The following PRKCA variants were observed in gnomAD, a reference collection of about 807,000 sequenced individuals.
The protein encoded by PRKCA is protein kinase C alpha type.
Under a neutral mutation model 87.0 loss-of-function variants are expected in PRKCA, and 27 were observed. The observed-to-expected ratio is 0.31, with a 90% confidence interval of 0.23 to 0.43. The LOEUF is 0.43. Among genes scored for constraint, PRKCA ranks in the 20% least tolerant of loss-of-function variants. The pLI is 1.00. For missense variants in PRKCA, 518 were observed against 852.3 expected (o/e 0.61, Z 4.88); for synonymous variants, 329 against 311.1 (o/e 1.06, Z -0.61).
At chr17:66,643,318 C>T (rs1375807478) in intron 4 of PRKCA, among the ~76,000 whole-genome samples, 10 of 152,090 alleles carry the variant, frequency 6.6e-5, no homozygotes, top group African/African-American at 2.4e-4. Flanking sequence ...ACTCAGTTTT[C>T]TGCATGAATG....
rs762692185 is a variant in PRKCA at position 66,688,283 on chromosome 17, A to ATG, written c.687-9_687-8dup. On this transcript the variant is annotated intron_variant, in intron 6 of 16. Transcript: ENST00000413366. ...ATGATCAAGATAACCTAGTGTTTGCATGTGTGTGTGTCTTGTAGCAAATTG... is the reference window on the plus strand; with the variant it reads ...ATGATCAAGATAACCTAGTGTTTGCATGTGTGTGTGTGTCTTGTAGCAAATTG... 1.2e-6 allele frequency: 2 copies of ATG among 1,613,130 alleles called. No homozygotes were observed. Among genetic ancestry groups the ATG allele is most frequent in the Non-Finnish European group, 1.7e-6 (2 of 1,179,606 alleles).
chr17:66,675,882 A>G (rs1972315086), intron 5 of PRKCA, among the ~76,000 whole-genome samples: 1 of 152,084 alleles, frequency 6.6e-6, no homozygotes, highest in Non-Finnish European at 1.5e-5. Flanking sequence ...AGTACCTGTA[A>G]CGTGTCCCAC....
At chr17:66,496,655 G>T (rs967963566) in intron 3 of PRKCA, among the ~76,000 whole-genome samples, 2 of 78,010 alleles carry the variant, frequency 2.6e-5, no homozygotes, top group African/African-American at 9.9e-5. Context: ...CACCCCTCCC[G>T]TCCTCTTCGA....
rs185594675 is a variant in PRKCA, at chr17:66,329,847, G to T, written c.205+23720G>T. Among the ~76,000 whole-genome samples the T allele has an allele frequency of 2.6e-5, 4 of 152,290 alleles. No individual in the cohort carries two copies. The East Asian group carries it at 5.8e-4, about 22-fold the overall frequency. On this transcript the variant is annotated intron_variant, in intron 2 of 16. Transcript: ENST00000413366. ...ACACACCCCGTCATTTATCTGGATA[G>T]TTCTATTTTTCCATACATTGTCTTT...
chr17:66,305,306 A>T (rs1374464330), intron 1 of PRKCA, among the ~76,000 whole-genome samples: 1 of 152,242 alleles, frequency 6.6e-6, no homozygotes, highest in East Asian at 1.9e-4. Flanking sequence ...TAATTTTAAA[A>T]GTATGTGAAA....
intron 13 of PRKCA, among the ~76,000 whole-genome samples, chr17:66,767,148 C>T (rs889339519): frequency 4.6e-5 from 7 of 152,088 alleles, no homozygotes; most frequent in Non-Finnish European, 7.4e-5. Context: ...ACTTAGAGAA[C>T]CTATTTTCTC....
At chr17:66,656,970 C>A (rs1432310448) in intron 5 of PRKCA, among the ~76,000 whole-genome samples, 1 of 152,112 alleles carries the variant, frequency 6.6e-6, no homozygotes, top group Non-Finnish European at 1.5e-5. Context: ...AAGGAATCTC[C>A]CATTAACATG....
chr17:66,382,948 CT>C (rs1275500480), intron 2 of PRKCA, among the ~76,000 whole-genome samples: 2 of 125,988 alleles, frequency 1.6e-5, no homozygotes, highest in African/African-American at 3.2e-5. Flanking sequence ...AATCCCACCC[CT>C]AATTGCGTTA....
At chr17:66,786,295 C>A (rs1186371787) in intron 14 of PRKCA, among the ~76,000 whole-genome samples, 1 of 152,158 alleles carries the variant, frequency 6.6e-6, no homozygotes, top group South Asian at 2.1e-4. Flanking sequence ...CCAGTCAAAG[C>A]GGATGAGGGA....
At chr17:66,411,860 C>CCGT (rs34354929) in intron 2 of PRKCA, among the ~76,000 whole-genome samples, 18,851 of 117,532 alleles carry the variant, frequency 0.16, 1,521 homozygotes, top group East Asian at 0.33. Context: ...CAATGGGCCG[C>CCGT]CTACTTTCTG....
chr17:66,746,588 A>G (rs746910573), intron 13 of PRKCA, among the ~76,000 whole-genome samples: 20 of 152,222 alleles, frequency 1.3e-4, no homozygotes, highest in Non-Finnish European at 2.2e-4. Context: ...GCGGAGGCTT[A>G]AGTATTTATG....
At chr17:66,658,443 C>T (rs991586506) in intron 5 of PRKCA, among the ~76,000 whole-genome samples, 18 of 152,024 alleles carry the variant, frequency 1.2e-4, no homozygotes, top group South Asian at 2.1e-4. Flanking sequence ...GCTGAGATGG[C>T]GCCATTGCAC....
intron 9 of PRKCA, among the ~76,000 whole-genome samples, chr17:66,733,245 G>T (rs1266918435): frequency 6.6e-6 from 1 of 152,024 alleles, no homozygotes; most frequent in Non-Finnish European, 1.5e-5. Flanking sequence ...TTTATTGGTG[G>T]TATCAGTTTG....
intron 8 of PRKCA, among the ~76,000 whole-genome samples, chr17:66,690,162 T>C (rs1181144101): frequency 1.3e-5 from 2 of 152,250 alleles, no homozygotes; most frequent in Non-Finnish European, 2.9e-5. Flanking sequence ...ATGTAAAACA[T>C]GCAGTTGTTC....
intron 3 of PRKCA, among the ~76,000 whole-genome samples, chr17:66,546,502 C>T (rs150771011): frequency 4.6e-5 from 7 of 152,336 alleles, no homozygotes; most frequent in Non-Finnish European, 7.4e-5. Context: ...GTGTTAGTTG[C>T]CGCTAATCCT....
At chr17:66,346,211 C>T (rs1907350548) in intron 2 of PRKCA, among the ~76,000 whole-genome samples, 1 of 151,798 alleles carries the variant, frequency 6.6e-6, no homozygotes, top group East Asian at 1.9e-4. Flanking sequence ...ATTCTCCTGC[C>T]TCAACCTCTC....
intron 16 of PRKCA, among the ~76,000 whole-genome samples, chr17:66,794,466 T>A (rs1401372994): frequency 5.9e-5 from 9 of 151,830 alleles, no homozygotes; most frequent in East Asian, 5.8e-4. Context: ...TTTTTTTTTT[T>A]AATTTTATTT....
At chr17:66,425,401 C>G (rs988952117) in intron 2 of PRKCA, among the ~76,000 whole-genome samples, 1 of 152,080 alleles carries the variant, frequency 6.6e-6, no homozygotes, top group Non-Finnish European at 1.5e-5. Flanking sequence ...TTCTGTCCTG[C>G]CCACCCAGGC....
At chr17:66,735,776 T>C in intron 10 of PRKCA, 114 bp downstream of exon 10, 7 of 1,280,798 alleles carry the variant, frequency 5.5e-6, no homozygotes, top group South Asian at 1.5e-5. Flanking sequence ...AGGTGTGTTG[T>C]GATGTCAAGC....
Sources: allele counts gnomAD v4.1 joint callset (sites outside exome capture counted in the v4.1 genomes callset), GRCh38; gene constraint gnomAD v4.1.1; transcripts MANE v1.5; gene names NCBI Gene and HGNC (gene_info 2026-07-23, HGNC 2026-07-21).